CNTNAP2: variants seen among roughly 807,000 people sequenced by gnomAD.
CNTNAP2 encodes contactin associated protein 2.
Under a neutral mutation model 155.2 loss-of-function variants are expected in CNTNAP2, and 98 were observed. The observed-to-expected ratio is 0.63, with a 90% CI of 0.54 to 0.75. CNTNAP2 has a LOEUF of 0.75. Among genes scored for constraint, CNTNAP2 ranks in the 30% least tolerant of loss-of-function variants. The pLI is 0.00. For missense variants in CNTNAP2, 1,727 were observed against 1,688.1 expected, an observed-to-expected ratio of 1.02 and a Z score of -0.40; for synonymous variants, 651 against 631.2, an observed-to-expected ratio of 1.03 and a Z score of -0.47.
chr7:146,908,834 A>T (rs1357714713), intron 3 of CNTNAP2, among the ~76,000 whole-genome samples: 1 of 128,708 alleles, frequency 7.8e-6, no homozygotes, highest in South Asian at 2.5e-4. Flanking sequence ...AGACACAAAA[A>T]ACCCTTCAAA....
At chr7:146,485,011 A>T (rs924161541) in intron 1 of CNTNAP2, among the ~76,000 whole-genome samples, 2 of 152,210 alleles carry the variant, frequency 1.3e-5, no homozygotes. Flanking sequence ...AATGTGTGTT[A>T]TGTACGAAAA....
intron 21 of CNTNAP2, among the ~76,000 whole-genome samples, chr7:148,308,353 C>T (rs1206969636): frequency 6.6e-6 from 1 of 151,862 alleles, no homozygotes; most frequent in African/African-American, 2.4e-5. Flanking sequence ...TTAAGAGAAA[C>T]TTCATAATCA....
intron 3 of CNTNAP2, among the ~76,000 whole-genome samples, chr7:147,028,102 C>T (rs780544713): frequency 6.6e-6 from 1 of 152,076 alleles, no homozygotes; most frequent in African/African-American, 2.4e-5. Flanking sequence ...AAAAGTCAGC[C>T]GTTCTTGTCC....
chr7:147,522,209 C>T (rs990357429), intron 11 of CNTNAP2, among the ~76,000 whole-genome samples: 1 of 152,186 alleles, frequency 6.6e-6, no homozygotes, highest in South Asian at 2.1e-4. Context: ...CCACCTCTTA[C>T]CACCAGCTTA....
intron 20 of CNTNAP2, among the ~76,000 whole-genome samples, chr7:148,243,115 C>T (rs956465702): frequency 6.6e-6 from 1 of 152,188 alleles, no homozygotes; most frequent in African/African-American, 2.4e-5. Flanking sequence ...CCTATCCGAG[C>T]ATCCTTCCTG....
rs1337235703 is a variant in CNTNAP2 at position 146,303,776 on chromosome 7, A to G, written c.97+186803A>G. On this transcript the variant is annotated intron_variant, in intron 1 of 23. Transcript: ENST00000361727. ...GGGGTGAAGAGTTCTGTAAATGTCTATTAGGTCTGCTTGGTGCAGAGCTGA... is the reference window on the plus strand; with the variant it reads ...GGGGTGAAGAGTTCTGTAAATGTCTGTTAGGTCTGCTTGGTGCAGAGCTGA... Among the ~76,000 whole-genome samples, 6 of 152,256 alleles carry G rather than the reference A, an allele frequency of 3.9e-5. No individual in the cohort carries two copies. In the South Asian group the frequency reaches 8.3e-4, roughly 21 times the overall value.
rs1260344854 is a variant in CNTNAP2 at position 147,552,436 on chromosome 7, G to A, written c.1778-9702G>A. On this transcript the variant is annotated intron_variant, in intron 11 of 23. Transcript: ENST00000361727. ...CTTTTTATTATTTGAATCATAGAAT[G>A]ACTTTAAATGACTAAAGTTTGCATT... Among the ~76,000 whole-genome samples, 6 of 151,968 alleles carry A rather than the reference G, an allele frequency of 3.9e-5. No individual in the cohort carries two copies. In the South Asian group the frequency reaches 1.0e-3, roughly 26 times the overall value.
intron 14 of CNTNAP2, among the ~76,000 whole-genome samples, chr7:147,908,324 C>T (rs1800003676): frequency 1.3e-5 from 2 of 152,192 alleles, no homozygotes; most frequent in Non-Finnish European, 2.9e-5. Context: ...CAGGCTATTC[C>T]GCTGAATGCA....
intron 1 of CNTNAP2, among the ~76,000 whole-genome samples, chr7:146,526,852 A>G (rs1400159231): frequency 6.6e-6 from 1 of 152,214 alleles, no homozygotes; most frequent in Admixed American, 6.5e-5. Flanking sequence ...TACACAAACT[A>G]CATGATAAAA....
intron 13 of CNTNAP2, among the ~76,000 whole-genome samples, chr7:147,789,821 AG>A (rs1208010802): frequency 3.3e-5 from 5 of 152,184 alleles, no homozygotes; most frequent in Non-Finnish European, 5.9e-5. Context: ...CAAGTTCTTC[AG>A]CTTTTGCACT....
intron 12 of CNTNAP2, among the ~76,000 whole-genome samples, chr7:147,609,935 T>G (rs1281403210): frequency 6.6e-6 from 1 of 152,072 alleles, no homozygotes; most frequent in African/African-American, 2.4e-5. Flanking sequence ...GGGGATAGTC[T>G]GAGTGCAGGG....
chr7:148,299,190 C>T (rs1797336598), intron 21 of CNTNAP2, among the ~76,000 whole-genome samples: 1 of 152,026 alleles, frequency 6.6e-6, no homozygotes, highest in Non-Finnish European at 1.5e-5. Flanking sequence ...CAGGGCTTCA[C>T]CGTGTTAGCC....
At chr7:146,606,937 T>G (rs1003899390) in intron 1 of CNTNAP2, among the ~76,000 whole-genome samples, 1 of 152,176 alleles carries the variant, frequency 6.6e-6, no homozygotes, top group African/African-American at 2.4e-5. Flanking sequence ...CTGACAACTC[T>G]TTTGTATAGT....
intron 16 of CNTNAP2, among the ~76,000 whole-genome samples, chr7:148,130,567 T>C (rs1804809804): frequency 6.6e-6 from 1 of 152,228 alleles, no homozygotes; most frequent in Non-Finnish European, 1.5e-5. Context: ...CCCTGTGCCT[T>C]ATAAGACAAA....
chr7:148,340,364 G>A (rs1226963886), intron 21 of CNTNAP2, among the ~76,000 whole-genome samples: 4 of 152,152 alleles, frequency 2.6e-5, no homozygotes, highest in East Asian at 1.9e-4. Context: ...GAATCATTAC[G>A]TTACATTTAA....
chr7:148,028,805 C>T (rs1802417332), intron 15 of CNTNAP2, among the ~76,000 whole-genome samples: 1 of 152,078 alleles, frequency 6.6e-6, no homozygotes, highest in Admixed American at 6.6e-5. Context: ...AAACAGAAAG[C>T]ATTTGGAAAC....
At chr7:146,579,016 C>T (rs189813664) in intron 1 of CNTNAP2, among the ~76,000 whole-genome samples, 103 of 152,048 alleles carry the variant, frequency 6.8e-4, no homozygotes, top group African/African-American at 9.6e-4. Flanking sequence ...TTGTAGCTGA[C>T]GTATTTTACT....
At chr7:147,733,759 G>A (rs368473944) in intron 13 of CNTNAP2, among the ~76,000 whole-genome samples, 1 of 152,070 alleles carries the variant, frequency 6.6e-6, no homozygotes, top group African/African-American at 2.4e-5. Flanking sequence ...GGATTCCTAG[G>A]TATTTTATTC....
intron 1 of CNTNAP2, among the ~76,000 whole-genome samples, chr7:146,474,741 T>G (rs1796849589): frequency 6.6e-6 from 1 of 152,180 alleles, no homozygotes; most frequent in Non-Finnish European, 1.5e-5. Flanking sequence ...AGTGTATTAT[T>G]AAATAAGCAA....
Sources: gnomAD v4.1 joint callset for allele counts (sites outside exome capture counted in the v4.1 genomes callset) on GRCh38, gnomAD v4.1.1 for gene constraint, MANE v1.5 for transcripts, NCBI Gene and HGNC (gene_info 2026-07-23, HGNC 2026-07-21) for gene names.